TLX2: variants seen among roughly 807,000 people sequenced by gnomAD.
TLX2 encodes T cell leukemia homeobox 2.
In TLX2, 15 loss-of-function variants were observed where a neutral mutation model predicts 21.7. That is an observed-to-expected ratio of 0.69 (90% CI 0.46 to 1.07). TLX2 has a LOEUF of 1.07. Ranked by LOEUF, TLX2 falls within the 50% of genes least tolerant of loss-of-function variation. TLX2 has a pLI of 0.00. For synonymous variants in TLX2, 213 were observed against 193.1 expected (o/e 1.10, Z -0.85); for missense variants, 384 against 409.1 (o/e 0.94, Z 0.53).
chr2:74,514,738 GC>G lies in TLX2; in HGVS notation c.-68del. 1 of 1,601,342 alleles carries G rather than the reference GC, an allele frequency of 6.2e-7. No individual in the cohort carries two copies. The highest frequency in any genetic ancestry group is 8.5e-7 in the Non-Finnish European group (1 of 1,174,946). Reference sequence around the variant, plus strand: ...ACTCTCCGGAGCGCGCCGCCGCTGGGCTTCTGGCGCTGCCTGAGGCATCCTC... The same window carrying G: ...ACTCTCCGGAGCGCGCCGCCGCTGGGTTCTGGCGCTGCCTGAGGCATCCTC... On this transcript the variant is annotated 5_prime_UTR_variant, in exon 1 of 3. Coordinates refer to ENST00000233638, the MANE Select transcript of TLX2 (RefSeq NM_016170.5). The surrounding 1 kb of genome is among the most constrained non-coding windows in gnomAD (Gnocchi z 5.0).
chr2:74,516,186 G>A lies in TLX2; in HGVS notation c.852G>A (p.Val284=), dbSNP rs371873988. The A allele has an allele frequency of 1.9e-6, 3 of 1,608,604 alleles. No homozygotes were observed. The African/African-American group carries it at 4.0e-5, about 22-fold the overall frequency. ...CAGTGTCCGGGCTCGCCTCGGTGGT[G>A]TGAGCGACGCCCGTCCGATCGGCGT... ...VASVSGLASV[V] Residue 284 remains valine, a synonymous_variant, in exon 3 of 3, where the codon GTG becomes GTA. Coordinates refer to ENST00000233638, the MANE Select transcript of TLX2 (RefSeq NM_016170.5).
Position 74,516,598 on chromosome 2 carries a change from G to T in TLX2, c.*409G>T. ...CGGCGTTGCGCGCGGTGCCGGCTGG[G>T]TCTGTACCAAAGGTGTGAAGGAAAG... On this transcript the variant is annotated 3_prime_UTR_variant, in exon 3 of 3. Coordinates refer to ENST00000233638, the MANE Select transcript of TLX2 (RefSeq NM_016170.5). The T allele has an allele frequency of 9.5e-7, 1 of 1,050,156 alleles. No individual in the cohort carries two copies. Among genetic ancestry groups the T allele is most frequent in the Non-Finnish European group, 1.2e-6 (1 of 831,810 alleles). The allele number at this position is 1,050,156 out of a possible 1,614,324, so 65.1% of individuals were successfully genotyped here.
In TLX2 at chr2:74,514,964, G is replaced by C. The variant is rs1377417241; in HGVS notation, c.158G>C (p.Gly53Ala). The change falls in exon 1 of 3, where the codon GGA (glycine) becomes GCA (alanine). Residue 53 changes from glycine to alanine, a missense_variant. Gly to Ala is a moderately conservative substitution (Grantham distance 60). Coordinates refer to ENST00000233638, the MANE Select transcript of TLX2 (RefSeq NM_016170.5). The surrounding 1 kb of genome is among the most constrained non-coding windows in gnomAD (Gnocchi z 5.0). Reference protein sequence around the residue: ...GHGENGAFSGGYHGASGYGPA... With the variant: ...GHGENGAFSGAYHGASGYGPA... ...GGGGAGAATGGGGCGTTCTCGGGTG[G>C]ATACCACGGAGCCTCGGGCTACGGT... 1.3e-6 allele frequency: 2 copies of C among 1,579,646 alleles called. No homozygotes were observed. Among genetic ancestry groups the C allele is most frequent in the Non-Finnish European group, 1.7e-6 (2 of 1,164,342 alleles).
In TLX2 at chr2:74,515,568, G is replaced by A. The variant is rs1467896848; in HGVS notation, c.401-65G>A. On this transcript the variant is annotated intron_variant, in intron 1 of 2. Coordinates refer to ENST00000233638, the MANE Select transcript of TLX2 (RefSeq NM_016170.5). This position sits in a 1 kb window ranked among gnomAD's most constrained non-coding sequence, Gnocchi z 6.6. ...AGTTCTGCGGCCTGGACAGCCGCGC[G>A]GCCTTCTCAGTGGCACCTCGGGCCA... The A allele has an allele frequency of 2.9e-5, 43 of 1,479,482 alleles. No homozygotes were observed. Among genetic ancestry groups the A allele is most frequent in the Non-Finnish European group, 3.9e-5 (42 of 1,082,408 alleles). 91.6% of individuals were successfully genotyped at this position (1,479,482 alleles called of 1,614,324 possible).
chr2:74,515,429 G>A lies in TLX2; in HGVS notation c.401-204G>A, dbSNP rs1674859544. Among the ~76,000 whole-genome samples the A allele has an allele frequency of 6.6e-6, 1 of 152,156 alleles. No homozygotes were observed. Among genetic ancestry groups the A allele is most frequent in the Admixed American group, 6.5e-5 (1 of 15,280 alleles). The stretch of plus-strand genomic sequence containing the variant: ...CTCTGTAGTCCCACTGTCCACGCGT[G>A]GGGAGGGGAGGGTGAAGTTACAGGG... On this transcript the variant is annotated intron_variant, in intron 1 of 2. Transcript: ENST00000233638. This position sits in a 1 kb window ranked among gnomAD's most constrained non-coding sequence, Gnocchi z 6.6.
chr2:74,514,631 G>A lies in TLX2; in HGVS notation c.-176G>A, dbSNP rs972720650. ...GCCCGGCAGCGGCTGGCACGGGCGC[G>A]GCTGCTCCGGGTGCACAGGGATGCT... On this transcript the variant is annotated 5_prime_UTR_variant, in exon 1 of 3. Transcript: ENST00000233638. The surrounding 1 kb of genome is among the most constrained non-coding windows in gnomAD (Gnocchi z 5.0). 5.6e-6 allele frequency: 8 copies of A among 1,429,594 alleles called. No individual in the cohort carries two copies. Among genetic ancestry groups the A allele is most frequent in the South Asian group, 3.0e-5 (2 of 66,300 alleles). The allele number at this position is 1,429,594 out of a possible 1,614,324, so 88.6% of individuals were successfully genotyped here.
chr2:74,514,488 C>G lies in TLX2; in HGVS notation c.-319C>G. 1 of 1,274,834 alleles carries G rather than the reference C, an allele frequency of 7.8e-7. No homozygotes were observed. The highest frequency in any genetic ancestry group is 1.6e-5 in the South Asian group (1 of 63,922). The allele number at this position is 1,274,834 out of a possible 1,614,324, so 79.0% of individuals were successfully genotyped here. A position where few individuals can be genotyped will look rare whatever the true frequency, so the allele number is the denominator to read the frequency against. On this transcript the variant is annotated 5_prime_UTR_variant, in exon 1 of 3. Transcript: ENST00000233638. The surrounding 1 kb of genome is among the most constrained non-coding windows in gnomAD (Gnocchi z 5.0). Reference sequence around the variant, plus strand: ...GCCGGAGCTGGCCAACCCTCTCCACCCGGGACTTGGGCAGCGGCGCCGGCA... The same window carrying G: ...GCCGGAGCTGGCCAACCCTCTCCACGCGGGACTTGGGCAGCGGCGCCGGCA...
chr2:74,515,069 C>T lies in TLX2; in HGVS notation c.263C>T (p.Pro88Leu), dbSNP rs1572980909. 1 of 1,524,994 alleles carries T rather than the reference C, an allele frequency of 6.6e-7. No individual in the cohort carries two copies. The highest frequency in any genetic ancestry group is 1.2e-5 in the South Asian group (1 of 82,096). 94.5% of individuals were successfully genotyped at this position (1,524,994 alleles called of 1,614,324 possible). A position where few individuals can be genotyped will look rare whatever the true frequency, so the allele number is the denominator to read the frequency against. Reference sequence around the variant, plus strand: ...GTGATCCGCGTCCCTGCGCACCGCCCGCTGCCTGTGCCGCCGCCCGCTGGG... The same window carrying T: ...GTGATCCGCGTCCCTGCGCACCGCCTGCTGCCTGTGCCGCCGCCCGCTGGG... Reference protein sequence around the residue: ...GGVIRVPAHRPLPVPPPAGGA... With the variant: ...GGVIRVPAHRLLPVPPPAGGA... The change falls in exon 1 of 3, where the codon CCG becomes CTG. Residue 88 changes from proline (P) to leucine (L), a missense_variant. Coordinates refer to ENST00000233638, the MANE Select transcript of TLX2 (RefSeq NM_016170.5). The surrounding 1 kb of genome is among the most constrained non-coding windows in gnomAD (Gnocchi z 6.6).
At position 74,516,539 on chromosome 2, in the gene TLX2, G is replaced by A; in HGVS notation, c.*350G>A. 1 of 1,196,782 alleles carries A rather than the reference G, an allele frequency of 8.4e-7. No homozygotes were observed. Among genetic ancestry groups the A allele is most frequent in the South Asian group, 1.6e-5 (1 of 61,132 alleles). 74.1% of individuals were successfully genotyped at this position (1,196,782 alleles called of 1,614,324 possible). A position where few individuals can be genotyped will look rare whatever the true frequency, so the allele number is the denominator to read the frequency against. ...CTGAGGGACTCGAAATTCTCCGGCGGGTGGTCGGGAGCTGGGGCTCTGAGG... is the reference window on the plus strand; with the variant it reads ...CTGAGGGACTCGAAATTCTCCGGCGAGTGGTCGGGAGCTGGGGCTCTGAGG... On this transcript the variant is annotated 3_prime_UTR_variant, in exon 3 of 3. Coordinates refer to ENST00000233638, the MANE Select transcript of TLX2 (RefSeq NM_016170.5).
Position 74,516,006 on chromosome 2 carries a change from G to A in TLX2, c.672G>A (p.Arg224=), listed in dbSNP as rs1157997114. Residue 224 remains arginine (R), a synonymous_variant, in exon 3 of 3, where the codon CGG becomes CGA. Transcript: ENST00000233638. The stretch of plus-strand genomic sequence containing the variant: ...CGGCGGAGGAGCGCGAGGCCGAGCG[G>A]CACCGCGCGGGCCGGCTGCTCCTGC... ...RQTAEEREAE[R]HRAGRLLLHL... 3 of 1,515,084 alleles carry A rather than the reference G, an allele frequency of 2.0e-6. No homozygotes were observed. Among genetic ancestry groups the A allele is most frequent in the Non-Finnish European group, 2.6e-6 (3 of 1,140,102 alleles). 93.9% of individuals were successfully genotyped at this position (1,515,084 alleles called of 1,614,324 possible). A position where few individuals can be genotyped will look rare whatever the true frequency, so the allele number is the denominator to read the frequency against.
rs1674850417 is a variant in TLX2 at position 74,515,112 on chromosome 2, T to A, written c.306T>A (p.Pro102=). ...CCGCTGGGGGGGCGCCTGCAGTGCC[T>A]GGGCCCTCGGGTTTGGGCGGCGCCG... ...PPPAGGAPAV[P]GPSGLGGAGG... is the part of the protein sequence containing the mutation. Residue 102 remains proline (P), a synonymous_variant, in exon 1 of 3, where the codon CCT becomes CCA. Transcript: ENST00000233638. The surrounding 1 kb of genome is among the most constrained non-coding windows in gnomAD (Gnocchi z 6.6). 12 of 1,539,398 alleles carry A rather than the reference T, an allele frequency of 7.8e-6. No individual in the cohort carries two copies. Among genetic ancestry groups the A allele is most frequent in the Non-Finnish European group, 1.0e-5 (12 of 1,144,546 alleles).
At position 74,515,586 on chromosome 2, in the gene TLX2, T is replaced by G; in HGVS notation, c.401-47T>G. ...GCCGCGCGGCCTTCTCAGTGGCACC[T>G]CGGGCCACCCTGCAAATCCTGCCCT... On this transcript the variant is annotated intron_variant, in intron 1 of 2. Coordinates refer to ENST00000233638, the MANE Select transcript of TLX2 (RefSeq NM_016170.5). The surrounding 1 kb of genome is among the most constrained non-coding windows in gnomAD (Gnocchi z 6.6). 2 of 1,557,420 alleles carry G rather than the reference T, an allele frequency of 1.3e-6. No individual in the cohort carries two copies. The highest frequency in any genetic ancestry group is 1.7e-6 in the Non-Finnish European group (2 of 1,144,538).
At position 74,515,963 on chromosome 2, in the gene TLX2, C is replaced by T. The variant is rs774005867; in HGVS notation, c.639-10C>T. The T allele has an allele frequency of 1.4e-6, 2 of 1,473,696 alleles. No individual in the cohort carries two copies. Among genetic ancestry groups the T allele is most frequent in the Admixed American group, 5.1e-5 (2 of 39,064 alleles). 91.3% of individuals were successfully genotyped at this position (1,473,696 alleles called of 1,614,324 possible). ...GGGCGCCCCGCTGACCCCGCGTCTC[C>T]CTCCCTTAGGCGCCAGACGGCGGAG... On this transcript the variant is annotated splice_polypyrimidine_tract_variant and intron_variant, in intron 2 of 2. Coordinates refer to ENST00000233638, the MANE Select transcript of TLX2 (RefSeq NM_016170.5). This position sits in a 1 kb window ranked among gnomAD's most constrained non-coding sequence, Gnocchi z 6.6.
At position 74,516,216 on chromosome 2, in the gene TLX2, C is replaced by T. The variant is rs1225225785; in HGVS notation, c.*27C>T. On this transcript the variant is annotated 3_prime_UTR_variant, in exon 3 of 3. Transcript: ENST00000233638. ...CGACGCCCGTCCGATCGGCGTGGAG[C>T]GCCGGGCCCGGAGCGGTGGAGCGCG... 1 of 1,598,058 alleles carries T rather than the reference C, an allele frequency of 6.3e-7. No homozygotes were observed. The highest frequency in any genetic ancestry group is 8.5e-7 in the Non-Finnish European group (1 of 1,173,978).
At position 74,516,333 on chromosome 2, in the gene TLX2, G is replaced by A. The variant is rs751278765; in HGVS notation, c.*144G>A. 273 of 1,523,874 alleles carry A rather than the reference G, an allele frequency of 1.8e-4. No homozygotes were observed. The highest frequency in any genetic ancestry group is 2.3e-4 in the Non-Finnish European group (259 of 1,141,130). The allele number at this position is 1,523,874 out of a possible 1,614,324, so 94.4% of individuals were successfully genotyped here. ...GTCGAGGGCTCCTCCACCACCGGCC[G>A]GCTCCCAAGCCAGCGTTGCGCAGAT... is the stretch of plus-strand genomic sequence containing the variant. On this transcript the variant is annotated 3_prime_UTR_variant, in exon 3 of 3. Transcript: ENST00000233638.
At position 74,516,606 on chromosome 2, in the gene TLX2, C is replaced by A; in HGVS notation, c.*417C>A. 1 of 969,452 alleles carries A rather than the reference C, an allele frequency of 1.0e-6. No individual in the cohort carries two copies. Among genetic ancestry groups the A allele is most frequent in the Non-Finnish European group, 1.3e-6 (1 of 770,326 alleles). 60.1% of individuals were successfully genotyped at this position (969,452 alleles called of 1,614,324 possible). Reference sequence around the variant, plus strand: ...CGCGCGGTGCCGGCTGGGTCTGTACCAAAGGTGTGAAGGAAAGAAGACACC... The same window carrying A: ...CGCGCGGTGCCGGCTGGGTCTGTACAAAAGGTGTGAAGGAAAGAAGACACC... On this transcript the variant is annotated 3_prime_UTR_variant, in exon 3 of 3. Transcript: ENST00000233638.
Position 74,517,100 on chromosome 2 carries a change from TA to T in TLX2, c.*912del, listed in dbSNP as rs1674905561. The T allele has an allele frequency of 6.6e-6, 1 of 152,290 alleles. No homozygotes were observed. Among genetic ancestry groups the T allele is most frequent in the Non-Finnish European group, 1.5e-5 (1 of 68,094 alleles). 9.4% of individuals were successfully genotyped at this position (152,290 alleles called of 1,614,324 possible). A position where few individuals can be genotyped will look rare whatever the true frequency, so the allele number is the denominator to read the frequency against. On this transcript the variant is annotated 3_prime_UTR_variant, in exon 3 of 3. Coordinates refer to ENST00000233638, the MANE Select transcript of TLX2 (RefSeq NM_016170.5). ...GAAGACTGGAGCAAAATTAACTGTATAGGCAAAACTAAATGTTATACCTAGA... is the reference window on the plus strand; with the variant it reads ...GAAGACTGGAGCAAAATTAACTGTATGGCAAAACTAAATGTTATACCTAGA...
At position 74,514,531 on chromosome 2, in the gene TLX2, G is replaced by T; in HGVS notation, c.-276G>T. 7.4e-7 allele frequency: 1 copy of T among 1,342,584 alleles called. No homozygotes were observed. 83.2% of individuals were successfully genotyped at this position (1,342,584 alleles called of 1,614,324 possible). A position where few individuals can be genotyped will look rare whatever the true frequency, so the allele number is the denominator to read the frequency against. ...CGCCGGCAGCCCAGCGTCTATTTGCGCTTAAGAGCCAGCAAGGAAGCTCCA... is the reference window on the plus strand; with the variant it reads ...CGCCGGCAGCCCAGCGTCTATTTGCTCTTAAGAGCCAGCAAGGAAGCTCCA... On this transcript the variant is annotated 5_prime_UTR_variant, in exon 1 of 3. Transcript: ENST00000233638. The surrounding 1 kb of genome is among the most constrained non-coding windows in gnomAD (Gnocchi z 5.0).
Position 74,516,021 on chromosome 2 carries a change from G to C in TLX2, c.687G>C (p.Arg229=). ...AGGCCGAGCGGCACCGCGCGGGCCGGCTGCTCCTGCATCTGCAGCAGGACG... is the reference window on the plus strand; with the variant it reads ...AGGCCGAGCGGCACCGCGCGGGCCGCCTGCTCCTGCATCTGCAGCAGGACG... The part of the protein sequence containing the change: ...EREAERHRAG[R]LLLHLQQDAL... The change falls in exon 3 of 3, where the codon CGG becomes CGC. Residue 229 remains arginine, a synonymous_variant. Coordinates refer to ENST00000233638, the MANE Select transcript of TLX2 (RefSeq NM_016170.5). The C allele has an allele frequency of 6.5e-7, 1 of 1,538,878 alleles. No homozygotes were observed. The highest frequency in any genetic ancestry group is 8.7e-7 in the Non-Finnish European group (1 of 1,150,682).
Sources: allele counts gnomAD v4.1 joint callset (sites outside exome capture counted in the v4.1 genomes callset), GRCh38; gene constraint gnomAD v4.1.1; non-coding constraint Gnocchi (gnomAD v3.1); transcripts MANE v1.5; gene names NCBI Gene and HGNC (gene_info 2026-07-23, HGNC 2026-07-21).